Variants in ZMYND11 observed in about 807,000 individuals in gnomAD.
ZMYND11 encodes zinc finger MYND-type containing 11, also known as zinc finger MYND domain-containing protein 11.
In ZMYND11, 9 loss-of-function variants were observed where a neutral mutation model predicts 84.9. The observed-to-expected ratio is 0.11, with a 90% CI of 0.06 to 0.18. The LOEUF is 0.18. ZMYND11 is among the 10% of genes least tolerant of loss of function. The pLI is 1.00. For synonymous variants in ZMYND11, 250 were observed against 244.1 expected, an observed-to-expected ratio of 1.02 and a Z score of -0.23; for missense variants, 409 against 761.0, an observed-to-expected ratio of 0.54 and a Z score of 5.44.
chr10:224,165 T>C (rs1016819950), intron 4 of ZMYND11, among the ~76,000 whole-genome samples: 7 of 152,214 alleles, frequency 4.6e-5, no homozygotes, highest in African/African-American at 7.2e-5. Flanking sequence ...CCTTACAGTG[T>C]TGAAAAAGTC....
chr10:240,469 A>T (rs542668928), intron 8 of ZMYND11, among the ~76,000 whole-genome samples: 1 of 152,336 alleles, frequency 6.6e-6, no homozygotes, highest in South Asian at 2.1e-4. Flanking sequence ...GCGCCACTGC[A>T]CCCCAGCCTG....
chr10:235,976 G>C (rs992473715), intron 4 of ZMYND11, among the ~76,000 whole-genome samples: 2 of 152,198 alleles, frequency 1.3e-5, no homozygotes, highest in Non-Finnish European at 2.9e-5. Context: ...GTGTACTGAA[G>C]TGACTTCCTA....
chr10:252,537 A>G lies in ZMYND11; in HGVS notation c.*67A>G, dbSNP rs1953716855. 1 of 1,530,228 alleles carries G rather than the reference A, an allele frequency of 6.5e-7. No individual in the cohort carries two copies. Among genetic ancestry groups the G allele is most frequent in the Non-Finnish European group, 8.8e-7 (1 of 1,142,310 alleles). 94.8% of individuals were successfully genotyped at this position (1,530,228 alleles called of 1,614,324 possible). A position where few individuals can be genotyped will look rare whatever the true frequency, so the allele number is the denominator to read the frequency against. On this transcript the variant is annotated 3_prime_UTR_variant, in exon 15 of 15. Transcript: ENST00000381604. The surrounding 1 kb of genome is among the most constrained non-coding windows in gnomAD (Gnocchi z 4.6). ...AGACACAGCGGTTTTTGTTTCCAAG[A>G]AGCCAAAATTGTTTAGAATTTGCTT...
chr10:162,999 G>A (rs1296709550), intron 1 of ZMYND11, among the ~76,000 whole-genome samples: 1 of 152,104 alleles, frequency 6.6e-6, no homozygotes, highest in Non-Finnish European at 1.5e-5. Flanking sequence ...AGGCAAGATT[G>A]CAGGTTTTTC....
intron 1 of ZMYND11, among the ~76,000 whole-genome samples, chr10:150,370 T>C (rs550164733): frequency 6.6e-6 from 1 of 152,384 alleles, no homozygotes; most frequent in South Asian, 2.1e-4. Context: ...AATTTATCCA[T>C]TTCTTCTAGA....
At chr10:202,936 A>G (rs1282498307) in intron 2 of ZMYND11, among the ~76,000 whole-genome samples, 1 of 152,170 alleles carries the variant, frequency 6.6e-6, no homozygotes. Flanking sequence ...TCTGTGGATA[A>G]AAATATATCA....
At chr10:186,572 C>T (rs554947340) in intron 2 of ZMYND11, among the ~76,000 whole-genome samples, 9 of 135,244 alleles carry the variant, frequency 6.7e-5, no homozygotes, top group South Asian at 4.9e-4. Context: ...ATCTGGGAGA[C>T]GGAGGTTGTG....
At chr10:132,276 AT>A (rs1264841810), upstream of ZMYND11, among the ~76,000 whole-genome samples, 1 of 148,912 alleles carries the variant, frequency 6.7e-6, no homozygotes, top group African/African-American at 2.4e-5. Context: ...CTCAAAAAAA[AT>A]ATGTAATATA....
chr10:199,384 C>T (rs1313307334), intron 2 of ZMYND11, among the ~76,000 whole-genome samples: 1 of 146,732 alleles, frequency 6.8e-6, no homozygotes, highest in Non-Finnish European at 1.5e-5. Context: ...TATGTATATG[C>T]ATATATAATT....
chr10:237,803 C>T (rs1181732551), intron 6 of ZMYND11, 126 bp downstream of exon 6: 8 of 615,442 alleles, frequency 1.3e-5, no homozygotes, highest in African/African-American at 9.3e-5. Flanking sequence ...TTTTCCACTT[C>T]CTAAAACAAA....
At chr10:174,651 C>T (rs1487223036) in intron 1 of ZMYND11, among the ~76,000 whole-genome samples, 4 of 151,494 alleles carry the variant, frequency 2.6e-5, no homozygotes, top group African/African-American at 9.7e-5. Flanking sequence ...TTAGTCAAAA[C>T]CCATGGGCAT....
At chr10:211,866 C>T (rs1945307748) in intron 3 of ZMYND11, among the ~76,000 whole-genome samples, 1 of 152,126 alleles carries the variant, frequency 6.6e-6, no homozygotes, top group Admixed American at 6.6e-5. Context: ...AAAGTAATGT[C>T]AAGTGGTATC....
intron 14 of ZMYND11, among the ~76,000 whole-genome samples, chr10:250,205 T>A (rs1953117897): frequency 6.6e-6 from 1 of 152,248 alleles, no homozygotes; most frequent in Non-Finnish European, 1.5e-5. Context: ...CATTTTGTGT[T>A]CCAGGTGCTT....
At chr10:241,026 C>A (rs1383291805) in intron 9 of ZMYND11, 56 bp downstream of exon 9, 6 of 1,372,800 alleles carry the variant, frequency 4.4e-6, no homozygotes, top group Non-Finnish European at 6.1e-6. Context: ...AAGTTTATTT[C>A]CAGTTTGGTT....
chr10:200,074 C>T (rs953473213), intron 2 of ZMYND11, among the ~76,000 whole-genome samples: 2 of 151,332 alleles, frequency 1.3e-5, no homozygotes, highest in Non-Finnish European at 2.9e-5. Flanking sequence ...CACCACTTCC[C>T]TGGCCCGTAG....
chr10:158,994 T>TG lies in ZMYND11; in HGVS notation c.-19-21000_-19-20999insG, dbSNP rs1219565677. 1.7e-4 allele frequency among the ~76,000 whole-genome samples: 25 copies of TG among 145,766 alleles called. 1 individual carries two copies. Among genetic ancestry groups the TG allele is most frequent in the Admixed American group, 4.1e-4 (6 of 14,788 alleles). The stretch of plus-strand genomic sequence containing the variant: ...TTTGCAGGGTTTTTTGTTTTTTGTT[T>TG]TTTTTTTTTTTTTTACATTATGTGG... On this transcript the variant is annotated intron_variant, in intron 1 of 14. Coordinates refer to ENST00000381604, the MANE Select transcript of ZMYND11 (RefSeq NM_001370100.5).
intron 1 of ZMYND11, among the ~76,000 whole-genome samples, chr10:177,481 T>C (rs1411137836): frequency 6.6e-6 from 1 of 152,334 alleles, no homozygotes; most frequent in African/African-American, 2.4e-5. Flanking sequence ...AGATGTAGCA[T>C]TGCTTCATTC....
At chr10:241,436 C>T (rs997443363) in intron 9 of ZMYND11, among the ~76,000 whole-genome samples, 3 of 152,222 alleles carry the variant, frequency 2.0e-5, no homozygotes, top group African/African-American at 4.8e-5. Context: ...CCTCGGCCTT[C>T]CAAAGTGCTG....
intron 1 of ZMYND11, among the ~76,000 whole-genome samples, chr10:146,514 C>T (rs573220657): frequency 6.6e-6 from 1 of 152,260 alleles, no homozygotes; most frequent in Non-Finnish European, 1.5e-5. Context: ...GGATGTATTT[C>T]CATTTGTTTG....
Sources: allele counts gnomAD v4.1 joint callset (sites outside exome capture counted in the v4.1 genomes callset), GRCh38; gene constraint gnomAD v4.1.1; non-coding constraint Gnocchi (gnomAD v3.1); transcripts MANE v1.5; gene names NCBI Gene and HGNC (gene_info 2026-07-23, HGNC 2026-07-21).